The following PTPRD variants were observed in gnomAD, a reference collection of about 807,000 sequenced individuals.
PTPRD encodes receptor-type tyrosine-protein phosphatase delta.
In PTPRD, 34 loss-of-function variants were observed where a neutral mutation model predicts 214.5. That is an observed-to-expected ratio of 0.16 (90% CI 0.12 to 0.21). The LOEUF is 0.21. Ranked by LOEUF, PTPRD falls within the 10% of genes least tolerant of loss-of-function variation. PTPRD has a pLI of 1.00. For synonymous variants in PTPRD, 1,128 were observed against 845.7 expected, an observed-to-expected ratio of 1.33 and a Z score of -5.79; for missense variants, 2,545 against 2,398.7, an observed-to-expected ratio of 1.06 and a Z score of -1.27.
intron 6 of PTPRD, among the ~76,000 whole-genome samples, chr9:9,754,286 G>A (rs995428546): frequency 5.9e-5 from 9 of 151,948 alleles, no homozygotes; most frequent in African/African-American, 1.4e-4. Context: ...ATTCTTACAC[G>A]CCCCGTAATG....
chr9:9,942,622 T>A (rs997729795), intron 4 of PTPRD, among the ~76,000 whole-genome samples: 2 of 152,104 alleles, frequency 1.3e-5, no homozygotes, highest in African/African-American at 2.4e-5. Context: ...ATCTACAAGA[T>A]TGCTTGGGTG....
chr9:10,542,697 T>G (rs1431108459), intron 2 of PTPRD, among the ~76,000 whole-genome samples: 1 of 152,054 alleles, frequency 6.6e-6, no homozygotes, highest in East Asian at 1.9e-4. Flanking sequence ...ACTATAGATT[T>G]TCTTCCTTTT....
intron 11 of PTPRD, among the ~76,000 whole-genome samples, chr9:8,830,561 G>A (rs1023134940): frequency 2.6e-5 from 4 of 152,094 alleles, no homozygotes; most frequent in African/African-American, 4.8e-5. Flanking sequence ...AAACAGAAAA[G>A]TGAGGACCAT....
At chr9:9,204,788 A>G (rs1200395756) in intron 9 of PTPRD, among the ~76,000 whole-genome samples, 2 of 152,170 alleles carry the variant, frequency 1.3e-5, no homozygotes, top group East Asian at 3.8e-4. Flanking sequence ...TGCTAATATT[A>G]TATTGTATAT....
chr9:10,361,114 CAAAT>C (rs944755504), intron 2 of PTPRD, among the ~76,000 whole-genome samples: 11 of 152,104 alleles, frequency 7.2e-5, no homozygotes, highest in Admixed American at 1.3e-4. Context: ...ACAAAACAAA[CAAAT>C]AAACAAAAAA....
At chr9:8,814,056 T>A (rs1427464073) in intron 11 of PTPRD, among the ~76,000 whole-genome samples, 1 of 152,244 alleles carries the variant, frequency 6.6e-6, no homozygotes. Flanking sequence ...TGCACCTTGG[T>A]ATCTCCCCAG....
At chr9:9,254,404 G>A (rs1473820713) in intron 9 of PTPRD, among the ~76,000 whole-genome samples, 1 of 152,010 alleles carries the variant, frequency 6.6e-6, no homozygotes, top group Non-Finnish European at 1.5e-5. Context: ...TTATTTCAGT[G>A]AGCAAATTTT....
At chr9:9,404,960 G>A (rs2072679603) in intron 8 of PTPRD, among the ~76,000 whole-genome samples, 1 of 152,000 alleles carries the variant, frequency 6.6e-6, no homozygotes, top group African/African-American at 2.4e-5. Flanking sequence ...AAATCAACTG[G>A]TTTGTGGTTT....
chr9:9,239,301 T>TA (rs1366568123), intron 9 of PTPRD, among the ~76,000 whole-genome samples: 1 of 152,062 alleles, frequency 6.6e-6, no homozygotes, highest in Non-Finnish European at 1.5e-5. Flanking sequence ...TAAATAAAGA[T>TA]AATTTTAAAT....
intron 3 of PTPRD, among the ~76,000 whole-genome samples, chr9:10,101,772 T>C (rs1358798241): frequency 6.6e-6 from 1 of 151,574 alleles, no homozygotes; most frequent in Non-Finnish European, 1.5e-5. Flanking sequence ...TCAGTAAGAG[T>C]GATATAAAAT....
intron 9 of PTPRD, among the ~76,000 whole-genome samples, chr9:9,215,197 G>A (rs1398971946): frequency 6.6e-6 from 1 of 152,144 alleles, no homozygotes; most frequent in Non-Finnish European, 1.5e-5. Context: ...GGTGGGAAAT[G>A]TTTAAAGCCT....
chr9:8,715,125 G>T (rs972932858), intron 12 of PTPRD, among the ~76,000 whole-genome samples: 6 of 150,342 alleles, frequency 4.0e-5, no homozygotes, highest in African/African-American at 1.5e-4. Context: ...ATGCACAAAA[G>T]ATCTATGAAA....
At position 10,439,826 on chromosome 9, in the gene PTPRD, T is replaced by G. The variant is rs1183553575; in HGVS notation, c.-599-98809A>C. Among the ~76,000 whole-genome samples the G allele has an allele frequency of 2.0e-5, 3 of 151,746 alleles. No homozygotes were observed. The East Asian group carries it at 5.8e-4, about 29-fold the overall frequency. On this transcript the variant is annotated intron_variant, in intron 2 of 45. Coordinates refer to ENST00000381196, the MANE Select transcript of PTPRD (RefSeq NM_002839.4). ...AGGGCAGGAATGAAAATCATTATTT[T>G]TCTTCTTAAATAATGTTTCTTGTTG...
At chr9:8,522,906 C>T (rs1209238101) in intron 19 of PTPRD, among the ~76,000 whole-genome samples, 1 of 152,110 alleles carries the variant, frequency 6.6e-6, no homozygotes, top group African/African-American at 2.4e-5. Context: ...ATAAGTAATT[C>T]TGTCTGAAAA....
intron 36 of PTPRD, among the ~76,000 whole-genome samples, chr9:8,394,913 G>C (rs189777556): frequency 1.4e-4 from 22 of 152,180 alleles, no homozygotes; most frequent in Non-Finnish European, 2.9e-4. Context: ...TCTGTCCATG[G>C]AAAGAAGCTC....
chr9:9,809,189 T>C (rs1460898959), intron 5 of PTPRD, among the ~76,000 whole-genome samples: 2 of 152,014 alleles, frequency 1.3e-5, no homozygotes, highest in African/African-American at 4.8e-5. Flanking sequence ...AGGCCTTTTT[T>C]TCTGTCTATT....
intron 9 of PTPRD, among the ~76,000 whole-genome samples, chr9:9,277,067 T>A (rs1406185719): frequency 6.6e-6 from 1 of 151,416 alleles, no homozygotes; most frequent in African/African-American, 2.4e-5. Context: ...ACCTCACTTG[T>A]CAAGCTACAA....
At chr9:9,070,044 G>A (rs1040573977) in intron 10 of PTPRD, among the ~76,000 whole-genome samples, 1 of 152,190 alleles carries the variant, frequency 6.6e-6, no homozygotes, top group Admixed American at 6.5e-5. Flanking sequence ...TTTCCTCTAT[G>A]GACAAAGTCC....
chr9:8,971,597 T>C (rs114944500), intron 11 of PTPRD, among the ~76,000 whole-genome samples: 1 of 151,770 alleles, frequency 6.6e-6, no homozygotes, highest in Non-Finnish European at 1.5e-5. Context: ...TATAATTACA[T>C]GTTTAGATTC....
Sources: allele counts gnomAD v4.1 joint callset (sites outside exome capture counted in the v4.1 genomes callset), GRCh38; gene constraint gnomAD v4.1.1; transcripts MANE v1.5; gene names NCBI Gene and HGNC (gene_info 2026-07-23, HGNC 2026-07-21).